MRM1: variants seen among roughly 807,000 people sequenced by gnomAD.
MRM1 encodes rRNA methyltransferase 1, mitochondrial.
MRM1 carries 24 observed loss-of-function variants against 25.0 expected under a neutral mutation model. That is an observed-to-expected ratio of 0.96 (90% CI 0.69 to 1.35). MRM1 has a LOEUF of 1.35. Ranked by LOEUF, MRM1 falls within the 40% of genes most tolerant of loss-of-function variation. The pLI is 0.00. For synonymous variants in MRM1, 188 were observed against 199.2 expected (o/e 0.94, Z 0.47); for missense variants, 431 against 464.1 (o/e 0.93, Z 0.65).
chr17:36,631,203 T>C, the MRM1 span, among the ~76,000 whole-genome samples: 1 of 152,234 alleles, frequency 6.6e-6, no homozygotes, highest in Non-Finnish European at 1.5e-5. Flanking sequence ...TCACCCTCTT[T>C]GAACCTTGGG....
At chr17:36,633,072 C>G in the MRM1 span, among the ~76,000 whole-genome samples, 10 of 152,360 alleles carry the variant, frequency 6.6e-5, no homozygotes, top group East Asian at 1.7e-3. Context: ...AATTACAAAA[C>G]TGTTCCCTTG....
the MRM1 span, among the ~76,000 whole-genome samples, chr17:36,628,944 G>A: frequency 6.6e-5 from 10 of 152,130 alleles, no homozygotes; most frequent in East Asian, 3.9e-4. Flanking sequence ...AGGAGAGTGA[G>A]TGAGAGAGAG....
the MRM1 span, among the ~76,000 whole-genome samples, chr17:36,631,586 G>A: frequency 6.6e-6 from 1 of 152,234 alleles, no homozygotes; most frequent in Non-Finnish European, 1.5e-5. Flanking sequence ...AAGGCACTCA[G>A]CACACCAAAC....
intron 2 of MRM1, among the ~76,000 whole-genome samples, chr17:36,604,731 GGGAGGT>G (rs1292237710): frequency 6.6e-6 from 1 of 151,282 alleles, no homozygotes; most frequent in Non-Finnish European, 1.5e-5. Context: ...GCTTGAACCC[GGGAGGT>G]GGAGGTGGTA....
intron 2 of MRM1, among the ~76,000 whole-genome samples, chr17:36,607,313 G>A (rs901658059): frequency 2.0e-5 from 3 of 152,136 alleles, no homozygotes; most frequent in Admixed American, 1.3e-4. Context: ...AGCCTCTGAT[G>A]AAGATTTGAT....
At chr17:36,616,175 G>A in the MRM1 span, among the ~76,000 whole-genome samples, 4 of 152,188 alleles carry the variant, frequency 2.6e-5, no homozygotes, top group Non-Finnish European at 4.4e-5. Context: ...GGCCAGGCAC[G>A]TGCTGGGTGT....
chr17:36,622,989 T>G, the MRM1 span, among the ~76,000 whole-genome samples: 1 of 152,226 alleles, frequency 6.6e-6, no homozygotes, highest in African/African-American at 2.4e-5. Flanking sequence ...CTCCAAGCCC[T>G]GGGACACTGC....
At position 36,608,463 on chromosome 17, in the gene MRM1, C is replaced by T; in HGVS notation, c.*48C>T. 1 of 1,384,948 alleles carries T rather than the reference C, an allele frequency of 7.2e-7. No individual in the cohort carries two copies. The highest frequency in any genetic ancestry group is 2.6e-5 in the East Asian group (1 of 38,508). 85.8% of individuals were successfully genotyped at this position (1,384,948 alleles called of 1,614,324 possible). Reference sequence around the variant, plus strand: ...TGTGCTGGAGTCAGGGACGGCCGCACCTGCCTCCGCCGGCTCCAGTGTGCG... The same window carrying T: ...TGTGCTGGAGTCAGGGACGGCCGCATCTGCCTCCGCCGGCTCCAGTGTGCG... On this transcript the variant is annotated 3_prime_UTR_variant, in exon 5 of 5. Coordinates refer to ENST00000614766, the MANE Select transcript of MRM1 (RefSeq NM_024864.5).
At chr17:36,620,433 G>A in the MRM1 span, among the ~76,000 whole-genome samples, 10 of 152,164 alleles carry the variant, frequency 6.6e-5, no homozygotes, top group South Asian at 2.1e-4. Flanking sequence ...AGGGGCTTTC[G>A]TGGAGCAGAG....
At chr17:36,623,282 G>A in the MRM1 span, among the ~76,000 whole-genome samples, 5 of 152,180 alleles carry the variant, frequency 3.3e-5, no homozygotes, top group Non-Finnish European at 7.3e-5. Flanking sequence ...GAAATCTAAA[G>A]ATAATCTATA....
In MRM1 at chr17:36,607,761, G is replaced by T. The variant is rs781576517; in HGVS notation, c.728G>T (p.Cys243Phe). ...PQSSEIPIMS[C>F]LEFLWERPTL... ...TCCTCCGAGATCCCCATCATGAGTT[G>T]CTTGGAGTTCCTCTGGGAACGGCCT... Residue 243 changes from cysteine (C) to phenylalanine (F), a missense_variant, in exon 3 of 5, where the codon TGC becomes TTC. Transcript: ENST00000614766. The T allele has an allele frequency of 6.2e-7, 1 of 1,614,176 alleles. No homozygotes were observed.
At chr17:36,629,740 C>T in the MRM1 span, among the ~76,000 whole-genome samples, 1 of 151,834 alleles carries the variant, frequency 6.6e-6, no homozygotes, top group Admixed American at 6.6e-5. Flanking sequence ...GGGGGGGGCA[C>T]ATCAGCAGGC....
At chr17:36,603,662 G>C (rs1357190000) in intron 2 of MRM1, among the ~76,000 whole-genome samples, 1 of 152,010 alleles carries the variant, frequency 6.6e-6, no homozygotes, top group Non-Finnish European at 1.5e-5. Flanking sequence ...GCCTCCCAAA[G>C]TGCTGGGATT....
In MRM1 at chr17:36,602,528, T is replaced by G; in HGVS notation, c.543-25T>G. On this transcript the variant is annotated intron_variant, in intron 1 of 4. Coordinates refer to ENST00000614766, the MANE Select transcript of MRM1 (RefSeq NM_024864.5). The surrounding 1 kb of genome is among the most constrained non-coding windows in gnomAD (Gnocchi z 4.1). The stretch of plus-strand genomic sequence containing the variant: ...CCGGGCTTGAGATGGCCCAGCCTAA[T>G]GCGGGGAACGGGGAAACCTTGCAGC... The G allele has an allele frequency of 6.2e-7, 1 of 1,614,006 alleles. No individual in the cohort carries two copies. Among genetic ancestry groups the G allele is most frequent in the Non-Finnish European group, 8.5e-7 (1 of 1,179,880 alleles).
At position 36,608,288 on chromosome 17, in the gene MRM1, C is replaced by G. The variant is rs1486438277; in HGVS notation, c.935C>G (p.Thr312Arg). Residue 312 changes from threonine to arginine, a missense_variant, in exon 5 of 5, where the codon ACA becomes AGA. Thr to Arg is a moderately conservative substitution (Grantham distance 71). Coordinates refer to ENST00000614766, the MANE Select transcript of MRM1 (RefSeq NM_024864.5). ...SICSQRKGFP[T>R]EGERRQLLQD... is the part of the protein sequence containing the mutation. The stretch of plus-strand genomic sequence containing the variant: ...TGCAGCCAGAGGAAGGGTTTCCCCA[C>G]AGAGGGGGAGAGAAGGCAGCTTCTC... 1 of 1,601,410 alleles carries G rather than the reference C, an allele frequency of 6.2e-7. No individual in the cohort carries two copies. Among genetic ancestry groups the G allele is most frequent in the Non-Finnish European group, 8.5e-7 (1 of 1,174,686 alleles).
the MRM1 span, among the ~76,000 whole-genome samples, chr17:36,621,371 G>A: frequency 2.0e-5 from 3 of 152,082 alleles, no homozygotes; most frequent in African/African-American, 4.8e-5. Flanking sequence ...GCCAGCTCAG[G>A]GCCCCTCTCT....
chr17:36,601,614 C>A lies in MRM1; in HGVS notation c.-197C>A. The A allele has an allele frequency of 2.0e-6, 1 of 512,020 alleles. No individual in the cohort carries two copies. Among genetic ancestry groups the A allele is most frequent in the Non-Finnish European group, 3.3e-6 (1 of 306,980 alleles). The allele number at this position is 512,020 out of a possible 1,614,324, so 31.7% of individuals were successfully genotyped here. ...GGAAGCGAGGGACCCACGTGGGAGC[C>A]TGGGAGCGGGTGGTCGTAGCTCGGT... is the stretch of plus-strand genomic sequence containing the variant. On this transcript the variant is annotated 5_prime_UTR_variant, in exon 1 of 5. The change creates a new upstream start codon in the 5' untranslated region. Coordinates refer to ENST00000614766, the MANE Select transcript of MRM1 (RefSeq NM_024864.5).
At chr17:36,627,674 G>GTTTTCTTTTTTTT in the MRM1 span, among the ~76,000 whole-genome samples, 1 of 83,728 alleles carries the variant, frequency 1.2e-5, no homozygotes, top group Admixed American at 1.4e-4. Context: ...TTTGGACACT[G>GTTTTCTTTTTTTT]TTTTTTTTTT....
At chr17:36,609,140 C>T (rs921964259), downstream of MRM1, among the ~76,000 whole-genome samples, 1 of 152,170 alleles carries the variant, frequency 6.6e-6, no homozygotes, top group Non-Finnish European at 1.5e-5. Context: ...GTGACTGAGT[C>T]AGTTCCCTTC....
Sources: allele counts gnomAD v4.1 joint callset (sites outside exome capture counted in the v4.1 genomes callset), GRCh38; gene constraint gnomAD v4.1.1; non-coding constraint Gnocchi (gnomAD v3.1); transcripts MANE v1.5; gene names NCBI Gene and HGNC (gene_info 2026-07-23, HGNC 2026-07-21).